The following CCND3 variants were observed in gnomAD, a reference collection of about 807,000 sequenced individuals.
CCND3 encodes the protein G1/S-specific cyclin-D3.
A neutral mutation model predicts 28.7 loss-of-function variants in CCND3; 9 were observed. The ratio of observed to expected loss-of-function variants is 0.31; its 90% confidence interval spans 0.19 to 0.55. The LOEUF (loss-of-function observed/expected upper bound fraction) is 0.55, where lower values mean the gene tolerates loss of function less well. Ranked by LOEUF, CCND3 falls within the 20% of genes least tolerant of loss-of-function variation. The pLI, the probability that CCND3 is intolerant of heterozygous loss-of-function variation, is 0.93. For synonymous variants in CCND3, 164 were observed against 163.9 expected, an observed-to-expected ratio of 1.00 and a Z score of 0.00; for missense variants, 315 against 385.8, an observed-to-expected ratio of 0.82 and a Z score of 1.54.
intron 1 of CCND3, among the ~76,000 whole-genome samples, chr6:41,960,191 A>G (rs955690856): frequency 6.6e-5 from 10 of 152,196 alleles, no homozygotes; most frequent in Non-Finnish European, 1.3e-4. Context: ...AGGCAAATCT[A>G]TAGAGACAGA....
intron 1 of CCND3, among the ~76,000 whole-genome samples, chr6:41,968,723 G>C (rs1242491724): frequency 6.6e-6 from 1 of 152,144 alleles, no homozygotes; most frequent in East Asian, 1.9e-4. Context: ...CTAATACGTT[G>C]TGATTTCATT....
chr6:41,937,058 C>T, intron 3 of CCND3, 177 bp downstream of exon 3: 1 of 685,420 alleles, frequency 1.5e-6, no homozygotes, highest in Non-Finnish European at 2.5e-6. Flanking sequence ...CTGGAGGGGT[C>T]TGAGATCCCA....
At chr6:42,031,603 A>G (rs189547124) in intron 1 of CCND3, among the ~76,000 whole-genome samples, 227 of 152,292 alleles carry the variant, frequency 1.5e-3, no homozygotes, top group African/African-American at 5.3e-3. Context: ...CATTTCAAAA[A>G]GTGAAAAAAG....
rs1025224393 is a variant in CCND3 at position 41,936,389 on chromosome 6, T to C, written c.711+170A>G. On this transcript the variant is annotated intron_variant, in intron 4 of 4. Coordinates refer to ENST00000372991, the MANE Select transcript of CCND3 (RefSeq NM_001760.5). The surrounding 1 kb of genome is among the most constrained non-coding windows in gnomAD (Gnocchi z 4.4). ...CCAGTGCCCTTCACCCCACCCAAGA[T>C]ACTTGCTCTTCCCCAGACCAAGGCA... 23 of 786,968 alleles carry C rather than the reference T, an allele frequency of 2.9e-5. No individual in the cohort carries two copies. The African/African-American group carries it at 3.6e-4, about 12-fold the overall frequency. The allele number at this position is 786,968 out of a possible 1,614,324, so 48.7% of individuals were successfully genotyped here.
At chr6:42,021,980 A>G (rs6901077) in intron 1 of CCND3, among the ~76,000 whole-genome samples, 114,197 of 152,170 alleles carry the variant, frequency 0.75, 43,050 homozygotes, top group East Asian at 0.93. Context: ...GAGACGGAGA[A>G]GAAATTCCAA....
Position 41,936,044 on chromosome 6 carries a change from A to T in CCND3, c.775T>A (p.Ser259Thr), listed in dbSNP as rs1051130. Reference protein sequence around the residue: ...AALRESLREASQTSSSPAPKA... With the variant: ...AALRESLREATQTSSSPAPKA... Reference sequence around the variant, plus strand: ...GGCGCTGGGCTGGAGCTGGTCTGAGAGGCTTCCCTGAGGCTCTCCCTGAGT... The same window carrying T: ...GGCGCTGGGCTGGAGCTGGTCTGAGTGGCTTCCCTGAGGCTCTCCCTGAGT... The change falls in exon 5 of 5, where the codon TCT (serine) becomes ACT (threonine). Residue 259 changes from serine (S) to threonine (T), a missense_variant. Ser to Thr is a moderately conservative substitution (Grantham distance 58). Coordinates refer to ENST00000372991, the MANE Select transcript of CCND3 (RefSeq NM_001760.5). The surrounding 1 kb of genome is among the most constrained non-coding windows in gnomAD (Gnocchi z 4.4). 5.6e-6 allele frequency: 9 copies of T among 1,612,946 alleles called. No homozygotes were observed. The East Asian group carries it at 1.6e-4, about 28-fold the overall frequency.
chr6:41,946,028 C>G (rs928353828), upstream of CCND3, among the ~76,000 whole-genome samples: 11 of 152,168 alleles, frequency 7.2e-5, no homozygotes, highest in African/African-American at 2.7e-4. Context: ...GACCTGGCTT[C>G]TAACGGTAAA....
Position 41,941,439 on chromosome 6 carries a change from G to A in CCND3, c.198+13C>T, listed in dbSNP as rs748389291. ...CGGGAGCGGTGGGGGAGGGGGACGC[G>A]TCCGGGCGGTACCTCCAGCATCCAG... On this transcript the variant is annotated intron_variant, in intron 1 of 4. Transcript: ENST00000372991. This position sits in a 1 kb window ranked among gnomAD's most constrained non-coding sequence, Gnocchi z 6.1. 2 of 1,606,898 alleles carry A rather than the reference G, an allele frequency of 1.2e-6. No homozygotes were observed. The highest frequency in any genetic ancestry group is 8.5e-7 in the Non-Finnish European group (1 of 1,178,276).
At chr6:41,992,995 A>G (rs924991113) in intron 1 of CCND3, among the ~76,000 whole-genome samples, 10 of 151,852 alleles carry the variant, frequency 6.6e-5, no homozygotes. Flanking sequence ...TGTAGCCTTG[A>G]ACTCCTGGGC....
upstream of CCND3, among the ~76,000 whole-genome samples, chr6:41,942,015 C>A (rs1001824891): frequency 2.6e-5 from 4 of 152,100 alleles, no homozygotes; most frequent in African/African-American, 9.7e-5. Flanking sequence ...AGAGAACTTT[C>A]TAGGAGGTGG....
intron 1 of CCND3, among the ~76,000 whole-genome samples, chr6:41,970,726 C>A (rs1229083922): frequency 1.3e-5 from 2 of 152,166 alleles, no homozygotes; most frequent in Non-Finnish European, 2.9e-5. Context: ...TGCGCTTCCA[C>A]GTGGGGAAAG....
chr6:42,048,408 C>G lies in CCND3; in HGVS notation c.-46+93G>C. ...TAGGAAGTGATGAGGATGCGGCGACCCCATTGACCCACCCAGCACCGATCC... is the reference window on the plus strand; with the variant it reads ...TAGGAAGTGATGAGGATGCGGCGACGCCATTGACCCACCCAGCACCGATCC... On this transcript the variant is annotated intron_variant, in intron 1 of 4. Transcript: ENST00000372988. The surrounding 1 kb of genome is among the most constrained non-coding windows in gnomAD (Gnocchi z 4.7). The G allele has an allele frequency of 2.8e-6, 1 of 353,574 alleles. No individual in the cohort carries two copies. Among genetic ancestry groups the G allele is most frequent in the Non-Finnish European group, 5.6e-6 (1 of 177,772 alleles). The allele number at this position is 353,574 out of a possible 1,614,324, so 21.9% of individuals were successfully genotyped here. A position where few individuals can be genotyped will look rare whatever the true frequency, so the allele number is the denominator to read the frequency against.
Position 41,935,912 on chromosome 6 carries a change from G to C in CCND3, c.*28C>G, listed in dbSNP as rs1775770352. 1 of 1,591,618 alleles carries C rather than the reference G, an allele frequency of 6.3e-7. No homozygotes were observed. The highest frequency in any genetic ancestry group is 8.6e-7 in the Non-Finnish European group (1 of 1,169,136). Reference sequence around the variant, plus strand: ...GTGGCAGCGGCCCCTCCTCTGCTTAGTGGCCACTCCAGAGGGCCTCTCCAG... The same window carrying C: ...GTGGCAGCGGCCCCTCCTCTGCTTACTGGCCACTCCAGAGGGCCTCTCCAG... On this transcript the variant is annotated 3_prime_UTR_variant, in exon 5 of 5. Transcript: ENST00000372991.
At chr6:41,979,548 AAG>A (rs1762277755) in intron 1 of CCND3, among the ~76,000 whole-genome samples, 2 of 146,786 alleles carry the variant, frequency 1.4e-5, no homozygotes, top group African/African-American at 5.3e-5. Context: ...AAAAAAAAAA[AAG>A]AAAAATATAT....
intron 1 of CCND3, among the ~76,000 whole-genome samples, chr6:42,044,782 C>A (rs1373396874): frequency 3.2e-5 from 2 of 62,330 alleles, no homozygotes; most frequent in South Asian, 1.3e-3. Context: ...TCTTTCTTTC[C>A]TTTTATTTAT....
intron 1 of CCND3, among the ~76,000 whole-genome samples, chr6:41,995,537 T>C (rs961966226): frequency 6.6e-6 from 1 of 152,102 alleles, no homozygotes; most frequent in African/African-American, 2.4e-5. Flanking sequence ...ATTACAGGCG[T>C]GAGCCACTGC....
intron 1 of CCND3, among the ~76,000 whole-genome samples, chr6:41,964,503 T>A (rs201420597): frequency 0.12 from 17,977 of 151,070 alleles, 1,617 homozygotes; most frequent in East Asian, 0.31. Flanking sequence ...TGTGTGAGTG[T>A]GTGTGTGTGT....
At chr6:42,002,224 T>C (rs1763032866) in intron 1 of CCND3, among the ~76,000 whole-genome samples, 1 of 151,736 alleles carries the variant, frequency 6.6e-6, no homozygotes, top group Non-Finnish European at 1.5e-5. Flanking sequence ...GGTGGGCGGA[T>C]CACTTGAGGT....
chr6:41,999,712 A>C (rs1414998176), intron 1 of CCND3, among the ~76,000 whole-genome samples: 1 of 152,062 alleles, frequency 6.6e-6, no homozygotes, highest in Non-Finnish European at 1.5e-5. Context: ...CTGTCAACAT[A>C]GTGAGACGTC....
Sources: gnomAD v4.1 joint callset for allele counts (sites outside exome capture counted in the v4.1 genomes callset) on GRCh38, gnomAD v4.1.1 for gene constraint, Gnocchi (gnomAD v3.1) non-coding constraint, MANE v1.5 for transcripts, NCBI Gene and HGNC (gene_info 2026-07-23, HGNC 2026-07-21) for gene names.